The following B3GALT1 variants were observed in gnomAD, a reference collection of about 807,000 sequenced individuals.
B3GALT1 encodes beta-1,3-galactosyltransferase 1.
Under a neutral mutation model 23.2 loss-of-function variants are expected in B3GALT1, and 10 were observed. The ratio of observed to expected loss-of-function variants is 0.43; its 90% confidence interval spans 0.27 to 0.73. The LOEUF (loss-of-function observed/expected upper bound fraction) is 0.73. B3GALT1 is among the 30% of genes least tolerant of loss of function. The probability of loss-of-function intolerance (pLI) is 0.21; values close to 1 mark genes in which losing one functional copy is unlikely to be tolerated. For synonymous variants in B3GALT1, 156 were observed against 141.5 expected, an observed-to-expected ratio of 1.10 and a Z score of -0.73; for missense variants, 299 against 405.4, an observed-to-expected ratio of 0.74 and a Z score of 2.25.
intron 1 of B3GALT1, among the ~76,000 whole-genome samples, chr2:167,365,324 T>G (rs1022305622): frequency 6.6e-6 from 1 of 152,162 alleles, no homozygotes; most frequent in African/African-American, 2.4e-5. Context: ...TTGGTAAAGC[T>G]GCCTGAAAAC....
At chr2:167,727,715 T>A (rs1687340708) in intron 3 of B3GALT1, among the ~76,000 whole-genome samples, 1 of 152,158 alleles carries the variant, frequency 6.6e-6, no homozygotes, top group Non-Finnish European at 1.5e-5. Context: ...CCTCTCCTTG[T>A]TTTTCCTCAT....
At chr2:167,792,501 A>G (rs1029697846) in intron 3 of B3GALT1, among the ~76,000 whole-genome samples, 5 of 152,228 alleles carry the variant, frequency 3.3e-5, no homozygotes, top group African/African-American at 1.2e-4. Context: ...GGTCAGCAGT[A>G]GCATACAGGG....
At chr2:167,674,580 A>G (rs75059244) in intron 3 of B3GALT1, among the ~76,000 whole-genome samples, 4,571 of 152,288 alleles carry the variant, frequency 0.03, 241 homozygotes, top group African/African-American at 0.1. Context: ...CCAGAGTTCA[A>G]TTTGTTCAGA....
intron 1 of B3GALT1, among the ~76,000 whole-genome samples, chr2:167,356,222 G>A (rs1523883): frequency 0.83 from 126,790 of 152,156 alleles, 53,470 homozygotes; most frequent in East Asian, 0.94. Flanking sequence ...GTCTGAAATG[G>A]AGATATTTTG....
At chr2:167,633,214 C>G (rs1009400863) in intron 2 of B3GALT1, among the ~76,000 whole-genome samples, 2 of 151,874 alleles carry the variant, frequency 1.3e-5, no homozygotes, top group Non-Finnish European at 2.9e-5. Flanking sequence ...TTGAGAAGAG[C>G]AACCTCAAGA....
intron 1 of B3GALT1, among the ~76,000 whole-genome samples, chr2:167,344,297 A>G (rs2105250236): frequency 1.3e-5 from 2 of 152,288 alleles, no homozygotes; most frequent in Middle Eastern, 3.4e-3. Context: ...TTCACTTCCA[A>G]AAGTGAAGGG....
chr2:167,803,081 A>AAC (rs71940853), intron 3 of B3GALT1, among the ~76,000 whole-genome samples: 11,086 of 141,280 alleles, frequency 0.078, 537 homozygotes, highest in East Asian at 0.18. Flanking sequence ...GACCCTAACA[A>AAC]ACACACACAC....
At chr2:167,509,097 T>C (rs151079314) in intron 2 of B3GALT1, among the ~76,000 whole-genome samples, 151 of 152,250 alleles carry the variant, frequency 9.9e-4, no homozygotes, top group African/African-American at 3.4e-3. Context: ...AGCAGTCCCT[T>C]TGGAGCAAAA....
At chr2:167,774,485 GTTTTTTTTTTTGTTTTT>G (rs1688125703) in intron 3 of B3GALT1, among the ~76,000 whole-genome samples, 1 of 105,178 alleles carries the variant, frequency 9.5e-6, no homozygotes, top group Non-Finnish European at 2.0e-5. Flanking sequence ...TTTTTTTTTT[GTTTTTTTTTTTGTTTTT>G]TTTTTTTTTT....
At chr2:167,543,248 TGTA>T (rs1436045627) in intron 2 of B3GALT1, among the ~76,000 whole-genome samples, 1 of 152,160 alleles carries the variant, frequency 6.6e-6, no homozygotes, top group Non-Finnish European at 1.5e-5. Flanking sequence ...TACTCATAAA[TGTA>T]GTCAATTTAA....
At chr2:167,608,012 C>T (rs962428905) in intron 2 of B3GALT1, among the ~76,000 whole-genome samples, 2 of 152,164 alleles carry the variant, frequency 1.3e-5, no homozygotes. Context: ...CCATTTCACC[C>T]ATGGCTACCT....
intron 4 of B3GALT1, among the ~76,000 whole-genome samples, chr2:167,865,661 G>C (rs536812036): frequency 2.0e-5 from 3 of 152,006 alleles, no homozygotes; most frequent in Non-Finnish European, 4.4e-5. Context: ...GCGTGGTGGC[G>C]GGTGCCTGTA....
rs1690334236 is a variant in B3GALT1 at position 167,870,894 on chromosome 2, A to G, written c.*874A>G. The G allele has an allele frequency of 6.0e-6, 1 of 167,098 alleles. No homozygotes were observed. The highest frequency in any genetic ancestry group is 1.5e-5 in the Non-Finnish European group (1 of 68,132). The allele number at this position is 167,098 out of a possible 1,614,324, so 10.4% of individuals were successfully genotyped here. A position where few individuals can be genotyped will look rare whatever the true frequency, so the allele number is the denominator to read the frequency against. ...GTAGAAAATAAGTTGGTTGGAGGCC[A>G]GAGAACAATAAATCACATTGAGAAA... On this transcript the variant is annotated 3_prime_UTR_variant, in exon 5 of 5. Transcript: ENST00000392690.
At chr2:167,306,824 C>G (rs1406880793) in intron 1 of B3GALT1, among the ~76,000 whole-genome samples, 2 of 152,000 alleles carry the variant, frequency 1.3e-5, no homozygotes, top group African/African-American at 2.4e-5. Flanking sequence ...ATCTAACACT[C>G]TTTGCCCTGC....
intron 4 of B3GALT1, among the ~76,000 whole-genome samples, chr2:167,828,979 G>A (rs1003736157): frequency 6.6e-6 from 1 of 152,166 alleles, no homozygotes; most frequent in Non-Finnish European, 1.5e-5. Context: ...GCCACAATCT[G>A]TGTACTATAA....
intron 1 of B3GALT1, among the ~76,000 whole-genome samples, chr2:167,320,926 A>G (rs1314500880): frequency 6.6e-6 from 1 of 151,948 alleles, no homozygotes; most frequent in Non-Finnish European, 1.5e-5. Context: ...CTCCCCTCAA[A>G]TATCCTAAAC....
chr2:167,854,943 T>C (rs1286147426), intron 4 of B3GALT1, among the ~76,000 whole-genome samples: 1 of 152,178 alleles, frequency 6.6e-6, no homozygotes, highest in Non-Finnish European at 1.5e-5. Context: ...CAGAGCTTAA[T>C]TGAAATATAC....
At chr2:167,479,065 AAAAT>A (rs1378011190) in intron 1 of B3GALT1, among the ~76,000 whole-genome samples, 2 of 152,158 alleles carry the variant, frequency 1.3e-5, no homozygotes, top group East Asian at 1.9e-4. Flanking sequence ...CTTCGGCTCA[AAAAT>A]AAATAAATAA....
In B3GALT1 at chr2:167,435,433, C is replaced by CAAA. The variant is rs1159357073; in HGVS notation, c.-510-54717_-510-54715dup. Among the ~76,000 whole-genome samples, 4 of 26,212 alleles carry CAAA rather than the reference C, an allele frequency of 1.5e-4. 1 individual carries two copies. Among genetic ancestry groups the CAAA allele is most frequent in the Admixed American group, 1.5e-3 (2 of 1,350 alleles). The allele number at this position is 26,212 out of a possible 152,430, so 17.2% of individuals were successfully genotyped here. ...AGCGTGCTTTAGAAACATATGCTTG[C>CAAA]AAAAAAAAAAAAAAAAAAAAAAAAA... On this transcript the variant is annotated intron_variant, in intron 1 of 4. Coordinates refer to ENST00000392690, the MANE Select transcript of B3GALT1 (RefSeq NM_020981.4).
Sources: allele counts gnomAD v4.1 joint callset (sites outside exome capture counted in the v4.1 genomes callset), GRCh38; gene constraint gnomAD v4.1.1; transcripts MANE v1.5; gene names NCBI Gene and HGNC (gene_info 2026-07-23, HGNC 2026-07-21).